The following ASCL5 variants were observed in gnomAD, a reference collection of about 807,000 sequenced individuals.
The protein encoded by ASCL5 is achaete-scute homolog 5.
For missense variants in ASCL5, 262 were observed against 268.9 expected (o/e 0.97, Z 0.18); for synonymous variants, 124 against 131.5 (o/e 0.94, Z 0.39).
chr1:201,114,946 G>A lies in ASCL5; in HGVS notation c.427C>T (p.Pro143Ser). ...KYLQELLSSA[P>S]DGSTPPASRG... ...GAAGCGGGGGGCGTCGAGCCGTCGGGGGCCGAGCTCAGCAGCTCTTGCAGG... is the reference window on the plus strand; with the variant it reads ...GAAGCGGGGGGCGTCGAGCCGTCGGAGGCCGAGCTCAGCAGCTCTTGCAGG... Residue 143 changes from proline (P) to serine (S), a missense_variant, in exon 2 of 2, where the codon CCC becomes TCC. Coordinates refer to ENST00000449188, the MANE Select transcript of ASCL5 (RefSeq NM_001270601.2). The A allele has an allele frequency of 1.6e-6, 2 of 1,231,310 alleles. No homozygotes were observed. The highest frequency in any genetic ancestry group is 2.0e-6 in the Non-Finnish European group (2 of 987,762). 76.3% of individuals were successfully genotyped at this position (1,231,310 alleles called of 1,614,324 possible). A position where few individuals can be genotyped will look rare whatever the true frequency, so the allele number is the denominator to read the frequency against.
intron 1 of ASCL5, among the ~76,000 whole-genome samples, chr1:201,124,690 A>C (rs1290501841): frequency 2.0e-5 from 3 of 152,146 alleles, no homozygotes; most frequent in Admixed American, 1.3e-4. Context: ...GCAGGGCTGG[A>C]GGGGAGACGG....
Position 201,114,863 on chromosome 1 carries a change from G to A in ASCL5, c.510C>T (p.Asp170=). The A allele has an allele frequency of 8.1e-7, 1 of 1,227,744 alleles. No individual in the cohort carries two copies. The highest frequency in any genetic ancestry group is 1.0e-6 in the Non-Finnish European group (1 of 985,286). 76.1% of individuals were successfully genotyped at this position (1,227,744 alleles called of 1,614,324 possible). ...CPAPPATPRP[D]RPGDGEARAP... is the part of the protein sequence containing the mutation. ...CCCGGGCCTCGCCGTCGCCAGGGCG[G>A]TCGGGACGGGGGGTGGCGGGCGGCG... is the stretch of plus-strand genomic sequence containing the variant. The change falls in exon 2 of 2, where the codon GAC becomes GAT. Residue 170 remains aspartate (D), a synonymous_variant. Coordinates refer to ENST00000449188, the MANE Select transcript of ASCL5 (RefSeq NM_001270601.2).
chr1:201,117,433 TAA>T (rs1052256840), intron 1 of ASCL5, among the ~76,000 whole-genome samples: 2 of 146,670 alleles, frequency 1.4e-5, no homozygotes, highest in African/African-American at 5.0e-5. Context: ...AAGACTCCAT[TAA>T]AAAAAAAAGA....
chr1:201,117,392 T>C (rs1663369852), intron 1 of ASCL5, among the ~76,000 whole-genome samples: 1 of 151,712 alleles, frequency 6.6e-6, no homozygotes, highest in Non-Finnish European at 1.5e-5. Context: ...ACCAAGATCA[T>C]GCCACTGCAT....
At chr1:201,125,401 C>T (rs1235347124) in intron 1 of ASCL5, among the ~76,000 whole-genome samples, 2 of 152,198 alleles carry the variant, frequency 1.3e-5, no homozygotes, top group African/African-American at 2.4e-5. Flanking sequence ...GCAGCCTCTG[C>T]GTTCTCCCCT....
chr1:201,125,124 C>T (rs1180045309), intron 1 of ASCL5, among the ~76,000 whole-genome samples: 2 of 152,250 alleles, frequency 1.3e-5, no homozygotes, highest in East Asian at 1.9e-4. Context: ...TGACTTTGAG[C>T]AGGCCTATTC....
At chr1:201,116,067 G>C (rs933654832) in intron 1 of ASCL5, among the ~76,000 whole-genome samples, 190 bp from the exon 2 acceptor site, 3 of 152,196 alleles carry the variant, frequency 2.0e-5, no homozygotes, top group African/African-American at 7.2e-5. Flanking sequence ...ACTCTGAGTC[G>C]TGGTTTCCAT....
chr1:201,117,739 C>T (rs1663374922), intron 1 of ASCL5, among the ~76,000 whole-genome samples: 1 of 152,188 alleles, frequency 6.6e-6, no homozygotes, highest in South Asian at 2.1e-4. Context: ...CTCCGGCTTC[C>T]AACATGGGTT....
intron 1 of ASCL5, among the ~76,000 whole-genome samples, chr1:201,124,543 C>T (rs981780078): frequency 6.8e-6 from 1 of 146,326 alleles, no homozygotes; most frequent in Non-Finnish European, 1.5e-5. Context: ...TAGGTGACGG[C>T]TATTTCATGG....
At chr1:201,117,426 A>C (rs1242824030) in intron 1 of ASCL5, among the ~76,000 whole-genome samples, 2 of 151,560 alleles carry the variant, frequency 1.3e-5, no homozygotes, top group Non-Finnish European at 2.9e-5. Context: ...ACAGAGCAAG[A>C]CTCCATTAAA....
chr1:201,115,337 C>T lies in ASCL5; in HGVS notation c.36G>A (p.Arg12=), dbSNP rs1484408163. 4.9e-6 allele frequency: 6 copies of T among 1,231,290 alleles called. No individual in the cohort carries two copies. Among genetic ancestry groups the T allele is most frequent in the African/African-American group, 1.6e-5 (1 of 64,396 alleles). The allele number at this position is 1,231,290 out of a possible 1,614,324, so 76.3% of individuals were successfully genotyped here. A position where few individuals can be genotyped will look rare whatever the true frequency, so the allele number is the denominator to read the frequency against. ...NNNFCRALVD[R]RPLGPPSCMQ... The stretch of plus-strand genomic sequence containing the variant: ...TGCAGCTGGGGGGCCCCAGAGGCCT[C>T]CGGTCCACCAGAGCCCGGCAGAAGT... Residue 12 remains arginine (R), a synonymous_variant, in exon 2 of 2, where the codon CGG becomes CGA. Transcript: ENST00000449188.
In ASCL5 at chr1:201,115,477, C is replaced by T. The variant is rs1663320558; in HGVS notation, c.-105G>A. 11 of 992,504 alleles carry T rather than the reference C, an allele frequency of 1.1e-5. No individual in the cohort carries two copies. The highest frequency in any genetic ancestry group is 3.3e-5 in the East Asian group (1 of 30,522). The allele number at this position is 992,504 out of a possible 1,614,324, so 61.5% of individuals were successfully genotyped here. A position where few individuals can be genotyped will look rare whatever the true frequency, so the allele number is the denominator to read the frequency against. On this transcript the variant is annotated 5_prime_UTR_variant, in exon 2 of 2. Coordinates refer to ENST00000449188, the MANE Select transcript of ASCL5 (RefSeq NM_001270601.2). ...GGGCAAGTCACATCGCTAGCAGCAGCTCTTGGGTACCAGGACTTGCTAGGG... is the reference window on the plus strand; with the variant it reads ...GGGCAAGTCACATCGCTAGCAGCAGTTCTTGGGTACCAGGACTTGCTAGGG...
intron 1 of ASCL5, among the ~76,000 whole-genome samples, chr1:201,120,682 T>A (rs1025497123): frequency 6.6e-6 from 1 of 152,198 alleles, no homozygotes; most frequent in Non-Finnish European, 1.5e-5. Context: ...TAATTCTACC[T>A]TTCAGGCTTT....
At chr1:201,121,492 G>A (rs929661740) in intron 1 of ASCL5, among the ~76,000 whole-genome samples, 2 of 152,076 alleles carry the variant, frequency 1.3e-5, no homozygotes, top group African/African-American at 2.4e-5. Context: ...TTTTGTGTGT[G>A]GTTTCCAATA....
At chr1:201,116,874 T>TAGCG (rs1165657538) in intron 1 of ASCL5, among the ~76,000 whole-genome samples, 1 of 152,164 alleles carries the variant, frequency 6.6e-6, no homozygotes, top group Non-Finnish European at 1.5e-5. Context: ...GATCAGGACT[T>TAGCG]AGCGAGTGAG....
In ASCL5 at chr1:201,114,555, C is replaced by T. The variant is rs1409211013; in HGVS notation, c.*197G>A. 2 of 422,256 alleles carry T rather than the reference C, an allele frequency of 4.7e-6. No individual in the cohort carries two copies. The highest frequency in any genetic ancestry group is 7.9e-6 in the Non-Finnish European group (2 of 253,832). 26.2% of individuals were successfully genotyped at this position (422,256 alleles called of 1,614,324 possible). ...CGGAGCTCCTAGGTCTCTATCGTGC[C>T]CATCGTACCCGCTGCCCTGCACTTC... On this transcript the variant is annotated 3_prime_UTR_variant, in exon 2 of 2. Coordinates refer to ENST00000449188, the MANE Select transcript of ASCL5 (RefSeq NM_001270601.2).
At chr1:201,119,306 G>A (rs1368671784) in intron 1 of ASCL5, among the ~76,000 whole-genome samples, 15 of 152,180 alleles carry the variant, frequency 9.9e-5, no homozygotes. Flanking sequence ...CCCCTTGCCT[G>A]AGCTTAGAAA....
chr1:201,123,576 G>C (rs1445501570), intron 1 of ASCL5, among the ~76,000 whole-genome samples: 1 of 152,226 alleles, frequency 6.6e-6, no homozygotes, highest in African/African-American at 2.4e-5. Context: ...TCACACAGCT[G>C]ATAAATGTTG....
intron 1 of ASCL5, among the ~76,000 whole-genome samples, chr1:201,121,187 A>G (rs1269905746): frequency 6.6e-6 from 1 of 152,226 alleles, no homozygotes; most frequent in African/African-American, 2.4e-5. Context: ...ACCTGTTTGT[A>G]TTTAACCCCC....
Sources: gnomAD v4.1 joint callset for allele counts (sites outside exome capture counted in the v4.1 genomes callset) on GRCh38, gnomAD v4.1.1 for gene constraint, MANE v1.5 for transcripts, NCBI Gene and HGNC (gene_info 2026-07-23, HGNC 2026-07-21) for gene names.